The following RAPH1 variants were observed in gnomAD, a reference collection of about 807,000 sequenced individuals.
RAPH1 encodes the protein ras-associated and pleckstrin homology domains-containing protein 1.
Under a neutral mutation model 88.1 loss-of-function variants are expected in RAPH1, and 18 were observed. The observed-to-expected ratio is 0.20, with a 90% CI of 0.14 to 0.30. The LOEUF (loss-of-function observed/expected upper bound fraction) is 0.30, where lower values mean the gene tolerates loss of function less well. Ranked by LOEUF, RAPH1 falls within the 10% of genes least tolerant of loss-of-function variation. RAPH1 has a pLI of 1.00. For synonymous variants in RAPH1, 587 were observed against 559.0 expected (o/e 1.05, Z -0.71); for missense variants, 1,448 against 1,543.2 (o/e 0.94, Z 1.03).
At chr2:203,533,546 G>A (rs1690480661) in intron 1 of RAPH1, 1 of 151,572 alleles carries the variant, frequency 6.6e-6, no homozygotes. Flanking sequence ...CATGTGAAAT[G>A]TCCTCCTCCC....
At chr2:203,510,482 C>T (rs1356011014) in intron 1 of RAPH1, among the ~76,000 whole-genome samples, 1 of 152,030 alleles carries the variant, frequency 6.6e-6, no homozygotes, top group African/African-American at 2.4e-5. Context: ...AAAGGATGCT[C>T]TGCAGGAGAG....
chr2:203,517,359 C>CAAAAAAAAAAAAAAAAAAAAAAAAAAA (rs71408943), intron 1 of RAPH1, among the ~76,000 whole-genome samples: 1 of 32,150 alleles, frequency 3.1e-5, no homozygotes, highest in Non-Finnish European at 6.0e-5. Flanking sequence ...CTATGAGAGG[C>CAAAAAAAAAAAAAAAAAAAAAAAAAAA]AAAAAAAAAA....
intron 7 of RAPH1, among the ~76,000 whole-genome samples, chr2:203,459,670 A>T (rs1285930208): frequency 6.6e-6 from 1 of 151,942 alleles, no homozygotes; most frequent in Non-Finnish European, 1.5e-5. Flanking sequence ...AAAACGGCTC[A>T]CCCCATCTGG....
intron 1 of RAPH1, among the ~76,000 whole-genome samples, chr2:203,531,273 G>T (rs1262839150): frequency 1.3e-5 from 2 of 152,048 alleles, no homozygotes; most frequent in Non-Finnish European, 2.9e-5. Context: ...GGGGCTGGGG[G>T]AGGGATAGCA....
chr2:203,531,542 A>C (rs968372128), intron 1 of RAPH1, among the ~76,000 whole-genome samples: 2 of 152,234 alleles, frequency 1.3e-5, no homozygotes, highest in Non-Finnish European at 2.9e-5. Context: ...ACTCACCAAA[A>C]AACAACCTAC....
At chr2:203,514,170 G>A (rs908252307) in intron 1 of RAPH1, among the ~76,000 whole-genome samples, 5 of 152,014 alleles carry the variant, frequency 3.3e-5, no homozygotes, top group African/African-American at 1.2e-4. Context: ...CCGGAGTAAG[G>A]TATCTGCTGC....
chr2:203,533,313 T>C (rs1581425553), intron 1 of RAPH1: 2 of 152,194 alleles, frequency 1.3e-5, no homozygotes, highest in South Asian at 4.1e-4. Flanking sequence ...GCAATCTAAA[T>C]TATACAAAAT....
At chr2:203,482,243 T>C (rs1315204230) in intron 4 of RAPH1, among the ~76,000 whole-genome samples, 1 of 152,190 alleles carries the variant, frequency 6.6e-6, no homozygotes, top group East Asian at 1.9e-4. Context: ...TGGAGTACAG[T>C]GGCATCATCT....
Position 203,440,576 on chromosome 2 carries a change from G to A in RAPH1, c.2614C>T (p.Pro872Ser), listed in dbSNP as rs750204051. The A allele has an allele frequency of 3.2e-6, 5 of 1,553,380 alleles. No homozygotes were observed. The highest frequency in any genetic ancestry group is 2.3e-5 in the East Asian group (1 of 44,356). Residue 872 changes from proline (P) to serine (S), a missense_variant, in exon 14 of 14, where the codon CCT becomes TCT. Pro to Ser is a moderately conservative substitution (Grantham distance 74, BLOSUM62 -1). Transcript: ENST00000319170. ...VKQIASQFPPPPTPPAMESQP... is the reference protein window; with the variant it reads ...VKQIASQFPPSPTPPAMESQP... ...GATTCCATGGCAGGGGGAGTTGGAGGGGGTGGAAACTGGCTGGCTATCTGC... is the reference window on the plus strand; with the variant it reads ...GATTCCATGGCAGGGGGAGTTGGAGAGGGTGGAAACTGGCTGGCTATCTGC...
intron 10 of RAPH1, among the ~76,000 whole-genome samples, chr2:203,449,751 A>G (rs1439266450): frequency 3.3e-5 from 5 of 152,190 alleles, no homozygotes; most frequent in Admixed American, 3.3e-4. Context: ...AAGGCCAGAT[A>G]TGGTGGCTCA....
At position 203,438,067 on chromosome 2, in the gene RAPH1, T is replaced by C. The variant is rs929553439; in HGVS notation, c.*1370A>G. 57 of 498,282 alleles carry C rather than the reference T, an allele frequency of 1.1e-4. No homozygotes were observed. Among genetic ancestry groups the C allele is most frequent in the African/African-American group, 8.9e-4 (46 of 51,674 alleles). 30.9% of individuals were successfully genotyped at this position (498,282 alleles called of 1,614,324 possible). A position where few individuals can be genotyped will look rare whatever the true frequency, so the allele number is the denominator to read the frequency against. Reference sequence around the variant, plus strand: ...TCGTTAGAGCACTGACTCCACGTTATACCAAACTGCACACGCATAAAACGT... The same window carrying C: ...TCGTTAGAGCACTGACTCCACGTTACACCAAACTGCACACGCATAAAACGT... On this transcript the variant is annotated 3_prime_UTR_variant, in exon 14 of 14. Transcript: ENST00000319170.
rs142375100 is a variant in RAPH1, at chr2:203,455,671, T to A, written c.1159-91A>T. 3.1e-3 allele frequency: 3,763 copies of A among 1,227,848 alleles called. 17 individuals carry two copies. The highest frequency in any genetic ancestry group is 4.1e-3 in the Non-Finnish European group (3,554 of 865,214). The allele number at this position is 1,227,848 out of a possible 1,614,324, so 76.1% of individuals were successfully genotyped here. ...CTCCTGTGAAATGCATGACAGTTAT[T>A]AAACCAAAATGGTTTTATATTAAAA... On this transcript the variant is annotated intron_variant, in intron 8 of 13. Transcript: ENST00000319170.
intron 2 of RAPH1, among the ~76,000 whole-genome samples, chr2:203,494,100 G>A (rs545685360): frequency 1.2e-4 from 18 of 150,974 alleles, no homozygotes; most frequent in Non-Finnish European, 2.4e-4. Flanking sequence ...TACACGAAGA[G>A]TTTATCACTT....
chr2:203,523,275 C>T (rs1047794213), intron 1 of RAPH1, among the ~76,000 whole-genome samples: 3 of 151,852 alleles, frequency 2.0e-5, no homozygotes, highest in Non-Finnish European at 4.4e-5. Flanking sequence ...CGCCTGTAGT[C>T]CCAGCTACTC....
chr2:203,473,398 G>A (rs2098534767), intron 4 of RAPH1, among the ~76,000 whole-genome samples: 1 of 152,192 alleles, frequency 6.6e-6, no homozygotes, highest in Non-Finnish European at 1.5e-5. Context: ...CTGGAAGGAT[G>A]CAAGAGGGAT....
chr2:203,456,056 TTTCTA>T (rs912181793), intron 8 of RAPH1, among the ~76,000 whole-genome samples: 19 of 152,052 alleles, frequency 1.2e-4, no homozygotes, highest in African/African-American at 4.6e-4. Context: ...GACAAAACAC[TTTCTA>T]TTCTAAACAC....
At position 203,437,415 on chromosome 2, in the gene RAPH1, T is replaced by G. The variant is rs1559434098; in HGVS notation, c.*2022A>C. The G allele has an allele frequency of 6.6e-6, 1 of 152,156 alleles. No individual in the cohort carries two copies. Among genetic ancestry groups the G allele is most frequent in the Non-Finnish European group, 1.5e-5 (1 of 68,002 alleles). 9.4% of individuals were successfully genotyped at this position (152,156 alleles called of 1,614,324 possible). A position where few individuals can be genotyped will look rare whatever the true frequency, so the allele number is the denominator to read the frequency against. ...CTATAAAACTGCAGGCAGAAGACTA[T>G]GAGAAATTCATTCATGAATCACAGT... On this transcript the variant is annotated 3_prime_UTR_variant, in exon 14 of 14. Transcript: ENST00000319170.
intron 1 of RAPH1, among the ~76,000 whole-genome samples, chr2:203,513,883 C>T (rs932566362): frequency 2.8e-4 from 42 of 151,366 alleles, no homozygotes; most frequent in South Asian, 1.5e-3. Context: ...CTCTCTCTGT[C>T]GCCCAGGCTG....
intron 10 of RAPH1, among the ~76,000 whole-genome samples, chr2:203,450,896 G>T (rs1462903929): frequency 2.2e-4 from 33 of 149,858 alleles, no homozygotes; most frequent in Admixed American, 1.7e-3. Context: ...ACAAAAAGAG[G>T]GTTTTTTTTT....
Sources: gnomAD v4.1 joint callset for allele counts (sites outside exome capture counted in the v4.1 genomes callset) on GRCh38, gnomAD v4.1.1 for gene constraint, MANE v1.5 for transcripts, NCBI Gene and HGNC (gene_info 2026-07-23, HGNC 2026-07-21) for gene names.